CELF2: variants seen among roughly 807,000 people sequenced by gnomAD.
CELF2 encodes the protein CUGBP Elav-like family member 2.
In CELF2, 8 loss-of-function variants were observed where a neutral mutation model predicts 62.6. The ratio of observed to expected loss-of-function variants is 0.13; its 90% CI spans 0.07 to 0.23. The LOEUF (loss-of-function observed/expected upper bound fraction) is 0.23. CELF2 is among the 10% of genes least tolerant of loss of function. The probability of loss-of-function intolerance (pLI) is 1.00; values close to 1 mark genes in which losing one functional copy is unlikely to be tolerated. For missense variants in CELF2, 333 were observed against 671.0 expected (o/e 0.50, Z 5.56); for synonymous variants, 258 against 250.0 (o/e 1.03, Z -0.30).
At position 11,335,092 on chromosome 10, in the gene CELF2, T is replaced by C. The variant is rs1224798852; in HGVS notation, c.*6039T>C. ...TCACACTCAAGTCGTCTTCATAGTT[T>C]ACTGTCCTTTTCCAAACAAAAGCTA... On this transcript the variant is annotated 3_prime_UTR_variant, in exon 13 of 13. Coordinates refer to ENST00000633077, the MANE Select transcript of CELF2 (RefSeq NM_001326342.2). This position sits in a 1 kb window ranked among gnomAD's most constrained non-coding sequence, Gnocchi z 5.0. 6.6e-6 allele frequency: 1 copy of C among 152,178 alleles called. No homozygotes were observed. The highest frequency in any genetic ancestry group is 1.5e-5 in the Non-Finnish European group (1 of 68,032). 9.4% of individuals were successfully genotyped at this position (152,178 alleles called of 1,614,324 possible). A position where few individuals can be genotyped will look rare whatever the true frequency, so the allele number is the denominator to read the frequency against.
chr10:10,904,150 A>T (rs1164902733), intron 1 of CELF2, among the ~76,000 whole-genome samples: 2 of 152,092 alleles, frequency 1.3e-5, no homozygotes, highest in Non-Finnish European at 2.9e-5. Context: ...AAACACAAAC[A>T]TCCTTAAACT....
chr10:10,840,905 T>C (rs1251199111), intron 1 of CELF2, among the ~76,000 whole-genome samples: 1 of 152,132 alleles, frequency 6.6e-6, no homozygotes, highest in African/African-American at 2.4e-5. Context: ...TGTGTTCTCA[T>C]TGTTCAACCC....
At chr10:11,131,588 C>T (rs1240654113) in intron 1 of CELF2, among the ~76,000 whole-genome samples, 1 of 152,162 alleles carries the variant, frequency 6.6e-6, no homozygotes, top group East Asian at 1.9e-4. Context: ...TCACGGGCCA[C>T]CTCCCCTCGC....
the CELF2 span, among the ~76,000 whole-genome samples, chr10:10,547,694 T>A: frequency 0.29 from 21,860 of 74,802 alleles, 1,863 homozygotes; most frequent in East Asian, 0.59. Context: ...AGAGAGAGAG[T>A]GTGTGTGTGT....
intron 1 of CELF2, among the ~76,000 whole-genome samples, chr10:10,918,919 C>T (rs1247768381): frequency 2.0e-5 from 3 of 152,134 alleles, no homozygotes; most frequent in African/African-American, 7.2e-5. Flanking sequence ...CGAAAGCCTC[C>T]ATCTCCTCCT....
the CELF2 span, among the ~76,000 whole-genome samples, chr10:10,571,229 G>C: frequency 1.3e-5 from 2 of 152,146 alleles, no homozygotes; most frequent in African/African-American, 4.8e-5. Flanking sequence ...TATTCAGACA[G>C]TTGAAGACAT....
In CELF2 at chr10:10,949,398, T is replaced by C. The variant is rs1592292067; in HGVS notation, c.89+29399T>C. Among the ~76,000 whole-genome samples, 3 of 152,114 alleles carry C rather than the reference T, an allele frequency of 2.0e-5. No homozygotes were observed. In the East Asian group the frequency reaches 5.8e-4, roughly 30 times the overall value. ...GCGTCACCACTGTGGATAAGAGAGA[T>C]GGGACACCCAGTGCCATGGTGGAGG... On this transcript the variant is annotated intron_variant, in intron 2 of 13. Transcript: ENST00000636488.
the CELF2 span, among the ~76,000 whole-genome samples, chr10:10,696,693 T>C: frequency 6.6e-6 from 1 of 152,174 alleles, no homozygotes; most frequent in South Asian, 2.1e-4. Flanking sequence ...AGGTGTGGGA[T>C]ATAGTCTCGT....
In CELF2 at chr10:11,202,544, T is replaced by A. The variant is rs1223860816; in HGVS notation, c.272-14881T>A. Among the ~76,000 whole-genome samples the A allele has an allele frequency of 2.0e-5, 3 of 152,170 alleles. No homozygotes were observed. The East Asian group carries it at 5.8e-4, about 29-fold the overall frequency. On this transcript the variant is annotated intron_variant, in intron 2 of 12. Coordinates refer to ENST00000633077, the MANE Select transcript of CELF2 (RefSeq NM_001326342.2). ...ATGGGTCAAGTCCTTTTCCACAGTTTGGAATGTGCTCAGGGAATCAAACCG... is the reference window on the plus strand; with the variant it reads ...ATGGGTCAAGTCCTTTTCCACAGTTAGGAATGTGCTCAGGGAATCAAACCG...
chr10:11,026,377 TC>T (rs1233244369), intron 1 of CELF2, among the ~76,000 whole-genome samples: 2 of 151,970 alleles, frequency 1.3e-5, no homozygotes, highest in African/African-American at 4.8e-5. Context: ...CCTACCCGCC[TC>T]CCCCGCCACA....
chr10:11,215,302 A>G (rs773646939), intron 2 of CELF2, among the ~76,000 whole-genome samples: 11 of 152,190 alleles, frequency 7.2e-5, no homozygotes, highest in Non-Finnish European at 1.3e-4. Context: ...CTCACACAGA[A>G]GTGCACACAA....
chr10:10,676,617 G>T, the CELF2 span, among the ~76,000 whole-genome samples: 8 of 152,278 alleles, frequency 5.3e-5, no homozygotes, highest in East Asian at 9.6e-4. Flanking sequence ...TTCACACCAA[G>T]CCTCCAGTGA....
intron 1 of CELF2, among the ~76,000 whole-genome samples, chr10:10,869,109 C>T (rs1315481224): frequency 6.6e-6 from 1 of 151,988 alleles, no homozygotes; most frequent in Non-Finnish European, 1.5e-5. Flanking sequence ...TTAATAGTAA[C>T]ATGATGTAAT....
At chr10:10,706,958 A>T in the CELF2 span, among the ~76,000 whole-genome samples, 2 of 152,238 alleles carry the variant, frequency 1.3e-5, no homozygotes, top group Admixed American at 1.3e-4. Context: ...AAGGCCTTTA[A>T]TGTTACAAGC....
the CELF2 span, among the ~76,000 whole-genome samples, chr10:10,510,313 T>C: frequency 2.6e-5 from 4 of 152,308 alleles, no homozygotes; most frequent in Admixed American, 2.6e-4. Context: ...TGTGAGTGGC[T>C]TTTAGCCCTC....
upstream of CELF2, among the ~76,000 whole-genome samples, chr10:10,797,170 C>A (rs768828616): frequency 6.6e-6 from 1 of 152,136 alleles, no homozygotes; most frequent in Admixed American, 6.6e-5. Context: ...ATCTTCCCCC[C>A]AGGAAAGAAC....
At chr10:10,506,429 T>C in the CELF2 span, among the ~76,000 whole-genome samples, 1 of 152,192 alleles carries the variant, frequency 6.6e-6, no homozygotes, top group Non-Finnish European at 1.5e-5. Context: ...TCTTCAAATA[T>C]TATCAAAGTG....
chr10:10,695,098 G>A, the CELF2 span, among the ~76,000 whole-genome samples: 5 of 149,498 alleles, frequency 3.3e-5, 1 homozygote, highest in Admixed American at 6.6e-5. Context: ...TTTCTTCCTA[G>A]TCTCGATGGT....
intron 9 of CELF2, among the ~76,000 whole-genome samples, chr10:11,307,556 G>T (rs1304589696): frequency 6.6e-6 from 1 of 152,180 alleles, no homozygotes; most frequent in African/African-American, 2.4e-5. Context: ...GCCAAATACA[G>T]TGCCAAATTC....
Sources: allele counts gnomAD v4.1 joint callset (sites outside exome capture counted in the v4.1 genomes callset), GRCh38; gene constraint gnomAD v4.1.1; non-coding constraint Gnocchi (gnomAD v3.1); transcripts MANE v1.5; gene names NCBI Gene and HGNC (gene_info 2026-07-23, HGNC 2026-07-21).